Variants in ROBO1 observed in about 807,000 individuals in gnomAD.
ROBO1 encodes the protein roundabout guidance receptor 1, also known as roundabout homolog 1.
In ROBO1, 149 loss-of-function variants were observed where a neutral mutation model predicts 195.9. The ratio of observed to expected loss-of-function variants is 0.76; its 90% CI spans 0.67 to 0.87. The LOEUF (loss-of-function observed/expected upper bound fraction) is 0.87, where lower values mean the gene tolerates loss of function less well. ROBO1 is among the 40% of genes least tolerant of loss of function. The pLI, the probability that ROBO1 is intolerant of heterozygous loss-of-function variation, is 0.00. For missense variants in ROBO1, 1,933 were observed against 2,068.3 expected (o/e 0.93, Z 1.27); for synonymous variants, 816 against 733.2 (o/e 1.11, Z -1.82).
chr3:79,054,294 A>T (rs537551082), intron 3 of ROBO1, among the ~76,000 whole-genome samples: 2 of 152,220 alleles, frequency 1.3e-5, no homozygotes, highest in East Asian at 1.9e-4. Context: ...TGTTTCTTTT[A>T]CTACAGTTAA....
At chr3:79,373,630 T>G (rs561676356) in intron 2 of ROBO1, among the ~76,000 whole-genome samples, 2 of 152,362 alleles carry the variant, frequency 1.3e-5, no homozygotes, top group East Asian at 3.9e-4. Context: ...ATTATGGAAT[T>G]GTATCTGATC....
intron 2 of ROBO1, among the ~76,000 whole-genome samples, chr3:79,186,457 C>T (rs1391815992): frequency 6.6e-6 from 1 of 152,048 alleles, no homozygotes; most frequent in African/African-American, 2.4e-5. Flanking sequence ...TTCTCCATGT[C>T]CCTCTCCAAT....
intron 2 of ROBO1, among the ~76,000 whole-genome samples, chr3:79,584,891 C>T (rs1410882190): frequency 6.6e-6 from 1 of 151,620 alleles, no homozygotes; most frequent in African/African-American, 2.4e-5. Context: ...CAAGAGAACA[C>T]CCACCTGACA....
intron 2 of ROBO1, among the ~76,000 whole-genome samples, chr3:79,552,662 T>C (rs1428761145): frequency 6.6e-6 from 1 of 152,126 alleles, no homozygotes; most frequent in Admixed American, 6.6e-5. Flanking sequence ...TTTTCCAATT[T>C]AATAGTTCAA....
At chr3:78,808,138 A>T (rs2084607558) in intron 4 of ROBO1, among the ~76,000 whole-genome samples, 2 of 152,214 alleles carry the variant, frequency 1.3e-5, no homozygotes, top group Middle Eastern at 3.4e-3. Flanking sequence ...AAAAATCAGA[A>T]CTCCTTTTCC....
intron 1 of ROBO1, among the ~76,000 whole-genome samples, chr3:79,739,643 T>C (rs769014952): frequency 6.6e-6 from 1 of 151,990 alleles, no homozygotes; most frequent in Non-Finnish European, 1.5e-5. Flanking sequence ...AAAACAAAAA[T>C]CCTAAGTCAT....
chr3:79,517,777 G>A (rs1389002403), intron 2 of ROBO1, among the ~76,000 whole-genome samples: 2 of 152,202 alleles, frequency 1.3e-5, no homozygotes, highest in African/African-American at 4.8e-5. Context: ...AGGGGCTAAA[G>A]TAATAGTTGT....
chr3:78,630,617 C>T (rs565520730), intron 25 of ROBO1, among the ~76,000 whole-genome samples: 1 of 152,252 alleles, frequency 6.6e-6, no homozygotes, highest in East Asian at 1.9e-4. Context: ...TCCAGTTCTA[C>T]AGATTCTGGA....
rs1217921076 is a variant in ROBO1 at position 79,023,781 on chromosome 3, C to T, written c.173-84854G>A. Among the ~76,000 whole-genome samples, 3 of 135,998 alleles carry T rather than the reference C, an allele frequency of 2.2e-5. No homozygotes were observed. The East Asian group carries it at 7.3e-4, about 33-fold the overall frequency. 89.2% of individuals were successfully genotyped at this position (135,998 alleles called of 152,430 possible). The stretch of plus-strand genomic sequence containing the variant: ...GCAGTGGTGCGATCTCGGCTCACTG[C>T]AACCTCCGCCTCCCATGTCCAAGTA... On this transcript the variant is annotated intron_variant, in intron 3 of 30. Coordinates refer to ENST00000464233, the MANE Select transcript of ROBO1 (RefSeq NM_002941.4).
rs1356737639 is a variant in ROBO1, at chr3:78,597,982, A to AAAC, written c.*928_*930dup. The AAAC allele has an allele frequency of 1.3e-5, 2 of 152,466 alleles. No individual in the cohort carries two copies. The highest frequency in any genetic ancestry group is 2.1e-4 in the South Asian group (1 of 4,828). 9.4% of individuals were successfully genotyped at this position (152,466 alleles called of 1,614,324 possible). A position where few individuals can be genotyped will look rare whatever the true frequency, so the allele number is the denominator to read the frequency against. On this transcript the variant is annotated 3_prime_UTR_variant, in exon 31 of 31. Transcript: ENST00000464233. ...AAAAAAAAAAAGAGAGAGAGATTAA[A>AAAC]AACAGTGCATTACAAAAACAAAAAT...
chr3:78,987,926 T>C (rs763816470), intron 3 of ROBO1, among the ~76,000 whole-genome samples: 1 of 152,136 alleles, frequency 6.6e-6, no homozygotes, highest in African/African-American at 2.4e-5. Context: ...AATTATATTA[T>C]ATAAAGTTGC....
chr3:78,842,729 T>A (rs936659299), intron 4 of ROBO1, among the ~76,000 whole-genome samples: 28 of 151,540 alleles, frequency 1.8e-4, no homozygotes, highest in African/African-American at 4.6e-4. Context: ...AGTTTTTTTT[T>A]AAAAAATGAG....
chr3:79,176,153 A>G (rs1191691986), intron 2 of ROBO1, among the ~76,000 whole-genome samples: 1 of 152,162 alleles, frequency 6.6e-6, no homozygotes, highest in Non-Finnish European at 1.5e-5. Context: ...GTGTCAAAAA[A>G]GTTTCTGAAA....
intron 18 of ROBO1, among the ~76,000 whole-genome samples, chr3:78,654,798 T>C (rs963746122): frequency 4.6e-5 from 7 of 152,190 alleles, no homozygotes; most frequent in East Asian, 1.9e-4. Context: ...AAATTATACA[T>C]AGTCATTTTC....
At chr3:79,054,991 T>C (rs924140345) in intron 3 of ROBO1, among the ~76,000 whole-genome samples, 7 of 152,064 alleles carry the variant, frequency 4.6e-5, no homozygotes, top group African/African-American at 7.2e-5. Flanking sequence ...ACCTCCACAG[T>C]AGGGGGTAGG....
Position 79,171,720 on chromosome 3 carries a change from A to C in ROBO1, c.89-46181T>G, listed in dbSNP as rs1014082977. On this transcript the variant is annotated intron_variant, in intron 2 of 30. Coordinates refer to ENST00000464233, the MANE Select transcript of ROBO1 (RefSeq NM_002941.4). ...ACTTGTTACATAAAAAAAATCAACTAACTTTCATGTTAAAACTGGAAATAC... is the reference window on the plus strand; with the variant it reads ...ACTTGTTACATAAAAAAAATCAACTCACTTTCATGTTAAAACTGGAAATAC... Among the ~76,000 whole-genome samples, 4 of 152,138 alleles carry C rather than the reference A, an allele frequency of 2.6e-5. No individual in the cohort carries two copies. In the South Asian group the frequency reaches 8.3e-4, roughly 31 times the overall value.
chr3:79,441,412 T>C (rs2039049055), intron 2 of ROBO1, among the ~76,000 whole-genome samples: 1 of 152,154 alleles, frequency 6.6e-6, no homozygotes, highest in Admixed American at 6.6e-5. Context: ...TATTTCTGTA[T>C]GGCGGCACTA....
At chr3:79,233,290 T>C (rs1576850247) in intron 2 of ROBO1, among the ~76,000 whole-genome samples, 1 of 151,834 alleles carries the variant, frequency 6.6e-6, no homozygotes, top group Admixed American at 6.6e-5. Context: ...TTGGGTGAAG[T>C]GAAAAAATGG....
intron 2 of ROBO1, among the ~76,000 whole-genome samples, chr3:79,268,969 T>C (rs1172300433): frequency 2.0e-5 from 3 of 151,780 alleles, no homozygotes; most frequent in East Asian, 1.9e-4. Flanking sequence ...CTTATCATTA[T>C]AGAATGAATC....
Sources: gnomAD v4.1 joint callset for allele counts (sites outside exome capture counted in the v4.1 genomes callset) on GRCh38, gnomAD v4.1.1 for gene constraint, MANE v1.5 for transcripts, NCBI Gene and HGNC (gene_info 2026-07-23, HGNC 2026-07-21) for gene names.